The following C10orf90 variants were observed in gnomAD, a reference collection of about 807,000 sequenced individuals.
C10orf90 encodes the protein (E2-independent) E3 ubiquitin-conjugating enzyme FATS.
In C10orf90, 56 loss-of-function variants were observed where a neutral mutation model predicts 62.5. The observed-to-expected ratio is 0.90, with a 90% CI of 0.72 to 1.12. The LOEUF is 1.12. Ranked by LOEUF, C10orf90 falls within the 50% of genes most tolerant of loss-of-function variation. C10orf90 has a pLI of 0.00. For synonymous variants in C10orf90, 386 were observed against 340.4 expected (o/e 1.13, Z -1.47); for missense variants, 970 against 880.4 (o/e 1.10, Z -1.29).
At chr10:126,641,110 C>T (rs1012510213) in intron 2 of C10orf90, among the ~76,000 whole-genome samples, 7 of 152,144 alleles carry the variant, frequency 4.6e-5, no homozygotes, top group Admixed American at 1.3e-4. Flanking sequence ...CCCTTCTATA[C>T]CTTGTTAACA....
chr10:126,475,402 C>T (rs1325599012), intron 4 of C10orf90, among the ~76,000 whole-genome samples: 1 of 152,192 alleles, frequency 6.6e-6, no homozygotes, highest in Non-Finnish European at 1.5e-5. Context: ...CTAATCTTGA[C>T]TTTCCTACAT....
At chr10:126,536,315 A>G (rs1313256752) in intron 2 of C10orf90, among the ~76,000 whole-genome samples, 3 of 152,182 alleles carry the variant, frequency 2.0e-5, no homozygotes, top group Non-Finnish European at 4.4e-5. Context: ...TAAAACACAG[A>G]TGACTCTCCC....
chr10:126,478,757 G>C (rs1861024322), intron 4 of C10orf90, among the ~76,000 whole-genome samples: 1 of 152,118 alleles, frequency 6.6e-6, no homozygotes, highest in Admixed American at 6.5e-5. Context: ...AGGTTCTGCT[G>C]TCCAACACCC....
intron 2 of C10orf90, among the ~76,000 whole-genome samples, chr10:126,620,676 G>T (rs182777376): frequency 3.3e-5 from 5 of 151,940 alleles, no homozygotes; most frequent in Admixed American, 2.0e-4. Flanking sequence ...GACCCTCCTT[G>T]GAGGGTGGGA....
chr10:126,660,162 T>G (rs1846479038), intron 1 of C10orf90, among the ~76,000 whole-genome samples: 1 of 152,218 alleles, frequency 6.6e-6, no homozygotes, highest in Admixed American at 6.5e-5. Context: ...ACGCCCTACA[T>G]GTTCCCCTGT....
chr10:126,497,185 T>G (rs1862106868), intron 4 of C10orf90, among the ~76,000 whole-genome samples: 1 of 152,154 alleles, frequency 6.6e-6, no homozygotes, highest in Non-Finnish European at 1.5e-5. Context: ...GAGCACCTGT[T>G]CTTGCTGCTG....
intron 4 of C10orf90, among the ~76,000 whole-genome samples, chr10:126,470,577 A>AAAAACAAACAAAC (rs1554892935): frequency 6.0e-5 from 9 of 149,912 alleles, no homozygotes; most frequent in East Asian, 2.0e-4. Context: ...TAAAAACTAA[A>AAAAACAAACAAAC]AAACAAACAA....
chr10:126,668,708 A>C (rs1339448338), intron 1 of C10orf90, among the ~76,000 whole-genome samples: 3 of 152,190 alleles, frequency 2.0e-5, no homozygotes, highest in Admixed American at 6.5e-5. Flanking sequence ...AGTCATGGAC[A>C]CAGTGAGGCC....
chr10:126,531,920 A>G (rs1337589467), intron 2 of C10orf90, among the ~76,000 whole-genome samples: 2 of 152,240 alleles, frequency 1.3e-5, no homozygotes, highest in Non-Finnish European at 2.9e-5. Context: ...ATGAACCCCT[A>G]CAATTTAATA....
intron 2 of C10orf90, among the ~76,000 whole-genome samples, chr10:126,555,577 G>A (rs534934219): frequency 1.7e-4 from 26 of 152,086 alleles, no homozygotes; most frequent in Non-Finnish European, 2.9e-4. Flanking sequence ...TACTCGGGAG[G>A]CTGAGGCAGG....
At chr10:126,624,899 G>A (rs550393178) in intron 2 of C10orf90, among the ~76,000 whole-genome samples, 3 of 152,202 alleles carry the variant, frequency 2.0e-5, no homozygotes, top group Non-Finnish European at 4.4e-5. Flanking sequence ...AGTAGAAAAT[G>A]GAAATGAACC....
Position 126,612,708 on chromosome 10 carries a change from G to C in C10orf90, c.313+33857C>G, listed in dbSNP as rs189716696. Among the ~76,000 whole-genome samples, 14 of 152,236 alleles carry C rather than the reference G, an allele frequency of 9.2e-5. 1 individual carries two copies. The highest frequency in any genetic ancestry group is 3.4e-4 in the African/African-American group (14 of 41,538). On this transcript the variant is annotated intron_variant, in intron 2 of 9. Coordinates refer to ENST00000488181, the MANE Select transcript of C10orf90 (RefSeq NM_001350921.2). Reference sequence around the variant, plus strand: ...ATGTAAGCTATGATTTCCACTCCTCGGGGTTCAACTACCCAAACCTGGATG... The same window carrying C: ...ATGTAAGCTATGATTTCCACTCCTCCGGGTTCAACTACCCAAACCTGGATG...
chr10:126,660,100 T>C (rs994823344), intron 1 of C10orf90, among the ~76,000 whole-genome samples: 4 of 152,204 alleles, frequency 2.6e-5, no homozygotes, highest in Non-Finnish European at 2.9e-5. Context: ...ATTTAAAATA[T>C]AGTGTGGCAG....
chr10:126,654,153 T>C (rs1243237336), intron 1 of C10orf90, among the ~76,000 whole-genome samples: 1 of 152,196 alleles, frequency 6.6e-6, no homozygotes, highest in Non-Finnish European at 1.5e-5. Context: ...TGGTTTCAAC[T>C]TAAGTTACCT....
At chr10:126,548,555 T>C (rs1435912184) in intron 2 of C10orf90, among the ~76,000 whole-genome samples, 1 of 152,038 alleles carries the variant, frequency 6.6e-6, no homozygotes, top group East Asian at 1.9e-4. Flanking sequence ...TTAGTAGAGA[T>C]GGAGTTTCAC....
At chr10:126,541,211 T>C (rs1314141005) in intron 2 of C10orf90, among the ~76,000 whole-genome samples, 1 of 152,108 alleles carries the variant, frequency 6.6e-6, no homozygotes, top group African/African-American at 2.4e-5. Context: ...ATGATTGTAT[T>C]AGAAGAAAAC....
chr10:126,505,083 C>G lies in C10orf90; in HGVS notation c.408G>C (p.Glu136Asp), dbSNP rs1336832366. ...VTEAKSDFTKETLASQNTKMI... is the reference protein window; with the variant it reads ...VTEAKSDFTKDTLASQNTKMI... ...TTTTTGTGTTTTGTGATGCCAGGGTCTCCTGCAAATAGAAAAAGATCCCGA... is the reference window on the plus strand; with the variant it reads ...TTTTTGTGTTTTGTGATGCCAGGGTGTCCTGCAAATAGAAAAAGATCCCGA... The change falls in exon 4 of 10, where the codon GAG (glutamate) becomes GAC (aspartate). Residue 136 changes from glutamate (E) to aspartate (D), a missense_variant and splice_region_variant. Glu to Asp is a conservative substitution (Grantham distance 45). Coordinates refer to ENST00000488181, the MANE Select transcript of C10orf90 (RefSeq NM_001350921.2). 2 of 1,601,198 alleles carry G rather than the reference C, an allele frequency of 1.2e-6. No homozygotes were observed. The highest frequency in any genetic ancestry group is 1.7e-6 in the Non-Finnish European group (2 of 1,173,006).
At position 126,471,995 on chromosome 10, in the gene C10orf90, C is replaced by A. The variant is rs369382598; in HGVS notation, c.1535-7009G>T. Among the ~76,000 whole-genome samples, 67 of 152,200 alleles carry A rather than the reference C, an allele frequency of 4.4e-4. 1 individual carries two copies. Among genetic ancestry groups the A allele is most frequent in the African/African-American group, 1.6e-3 (66 of 41,528 alleles). On this transcript the variant is annotated intron_variant, in intron 4 of 9. Coordinates refer to ENST00000488181, the MANE Select transcript of C10orf90 (RefSeq NM_001350921.2). ...TAACAAGATTACTTCGACTACATTGCGAACATGATCAACAGAAACAAGTTT... is the reference window on the plus strand; with the variant it reads ...TAACAAGATTACTTCGACTACATTGAGAACATGATCAACAGAAACAAGTTT...
intron 2 of C10orf90, among the ~76,000 whole-genome samples, chr10:126,634,668 G>T (rs1166868186): frequency 6.6e-6 from 1 of 152,082 alleles, no homozygotes; most frequent in East Asian, 1.9e-4. Flanking sequence ...TATGATGAGT[G>T]TCTTATATCT....
Sources: gnomAD v4.1 joint callset for allele counts (sites outside exome capture counted in the v4.1 genomes callset) on GRCh38, gnomAD v4.1.1 for gene constraint, MANE v1.5 for transcripts, NCBI Gene and HGNC (gene_info 2026-07-23, HGNC 2026-07-21) for gene names.